RERE: variants seen among roughly 807,000 people sequenced by gnomAD.
RERE encodes the protein arginine-glutamic acid dipeptide repeats protein.
Under a neutral mutation model 146.1 loss-of-function variants are expected in RERE, and 40 were observed. The observed-to-expected ratio is 0.27, with a 90% CI of 0.21 to 0.36. RERE has a LOEUF of 0.36. RERE is among the 10% of genes least tolerant of loss of function. The pLI, the probability that RERE is intolerant of heterozygous loss-of-function variation, is 1.00. For synonymous variants in RERE, 1,003 were observed against 866.0 expected (o/e 1.16, Z -2.78); for missense variants, 1,933 against 2,138.7 (o/e 0.90, Z 1.90).
chr1:8,744,055 TAGAC>T (rs1218651283), intron 1 of RERE, among the ~76,000 whole-genome samples: 5 of 152,120 alleles, frequency 3.3e-5, no homozygotes, highest in Non-Finnish European at 5.9e-5. Context: ...TGAAAGAAAA[TAGAC>T]AGTCCCAGAA....
intron 11 of RERE, among the ~76,000 whole-genome samples, chr1:8,431,488 T>C (rs1360821659): frequency 1.3e-5 from 2 of 152,204 alleles, no homozygotes; most frequent in African/African-American, 4.8e-5. Flanking sequence ...AATTAATTCA[T>C]TACATATTAC....
intron 4 of RERE, among the ~76,000 whole-genome samples, chr1:8,575,418 G>A (rs1254796129): frequency 2.3e-5 from 3 of 129,434 alleles, no homozygotes; most frequent in African/African-American, 2.9e-5. Context: ...CTGTTTTGCT[G>A]TTGTCCAGGC....
At chr1:8,355,779 G>A (rs1296680350) in intron 21 of RERE, among the ~76,000 whole-genome samples, 180 bp from the exon 22 acceptor site, 2 of 152,068 alleles carry the variant, frequency 1.3e-5, no homozygotes, top group Non-Finnish European at 2.9e-5. Context: ...GGCAGGAGGT[G>A]CCCTTGGGTG....
chr1:8,633,478 A>ACACAC (rs1557446646), intron 2 of RERE, among the ~76,000 whole-genome samples: 269 of 149,378 alleles, frequency 1.8e-3, no homozygotes, highest in African/African-American at 5.4e-3. Context: ...CACACACACA[A>ACACAC]AAATGTACTT....
intron 12 of RERE, among the ~76,000 whole-genome samples, chr1:8,366,921 A>C (rs567440856): frequency 1.1e-4 from 16 of 149,694 alleles, no homozygotes; most frequent in South Asian, 2.1e-4. Flanking sequence ...AAAAACAAAA[A>C]AAAAAAACAA....
rs1433563669 is a variant in RERE, at chr1:8,755,168, GCTGA to G, written c.-145+61988_-145+61991del. On this transcript the variant is annotated intron_variant, in intron 1 of 22. Transcript: ENST00000400908. ...GCAGTGGTAACAGACATAAAAGGCG[GCTGA>G]CTGTCTTCAGTGCTACCTTTGGCAG... Among the ~76,000 whole-genome samples, 3 of 152,204 alleles carry G rather than the reference GCTGA, an allele frequency of 2.0e-5. 1 individual carries two copies. Among genetic ancestry groups the G allele is most frequent in the Non-Finnish European group, 4.4e-5 (3 of 68,028 alleles).
chr1:8,745,305 T>C (rs971324389), intron 1 of RERE, among the ~76,000 whole-genome samples: 2 of 152,206 alleles, frequency 1.3e-5, no homozygotes, highest in Non-Finnish European at 2.9e-5. Flanking sequence ...TGATTGTAAG[T>C]TTCCTGAGGC....
chr1:8,697,510 C>T (rs1478243268), intron 1 of RERE, among the ~76,000 whole-genome samples: 5 of 151,764 alleles, frequency 3.3e-5, no homozygotes, highest in South Asian at 2.1e-4. Context: ...CTCCTGCCTC[C>T]GCCTACCGAG....
At chr1:8,547,145 G>A (rs1444383035) in intron 6 of RERE, among the ~76,000 whole-genome samples, 1 of 149,472 alleles carries the variant, frequency 6.7e-6, no homozygotes, top group Admixed American at 6.6e-5. Context: ...CTAAAAAAGA[G>A]GGGAACATAT....
chr1:8,459,644 C>T (rs761932490), intron 11 of RERE, among the ~76,000 whole-genome samples: 5 of 152,142 alleles, frequency 3.3e-5, no homozygotes, highest in Admixed American at 6.5e-5. Flanking sequence ...CATAAAACCA[C>T]GTACGTACAT....
chr1:8,705,351 C>T (rs900611989), intron 1 of RERE, among the ~76,000 whole-genome samples: 1 of 152,134 alleles, frequency 6.6e-6, no homozygotes, highest in African/African-American at 2.4e-5. Flanking sequence ...TCCACTTCCC[C>T]CAGGTATAGG....
intron 6 of RERE, among the ~76,000 whole-genome samples, chr1:8,549,273 T>C (rs1386899801): frequency 6.6e-6 from 1 of 152,154 alleles, no homozygotes; most frequent in Non-Finnish European, 1.5e-5. Context: ...TGAGAACATC[T>C]TGTGGAGCTA....
intron 11 of RERE, among the ~76,000 whole-genome samples, chr1:8,447,223 C>T (rs546286197): frequency 1.3e-5 from 2 of 151,628 alleles, no homozygotes; most frequent in Admixed American, 1.3e-4. Context: ...TTAGCTTCCT[C>T]GCATTGGGTT....
chr1:8,505,920 G>A (rs1251697719), intron 8 of RERE, among the ~76,000 whole-genome samples: 1 of 152,144 alleles, frequency 6.6e-6, no homozygotes, highest in Non-Finnish European at 1.5e-5. Context: ...GAAGCACACA[G>A]AATACATTTA....
In RERE at chr1:8,423,780, GGCAGGAGCGCGGCGC is replaced by G. The variant is rs936850792; in HGVS notation, c.1204-988_1204-974del. On this transcript the variant is annotated intron_variant, in intron 11 of 22. Transcript: ENST00000400908. The surrounding 1 kb of genome is among the most constrained non-coding windows in gnomAD (Gnocchi z 5.4). The stretch of plus-strand genomic sequence containing the variant: ...TGGGGCCGCCGCTGACGGGGGAGGA[GGCAGGAGCGCGGCGC>G]GCAGAGCCCGGCGCGGCCGCGGGCG... The G allele has an allele frequency of 8.4e-5, 66 of 782,148 alleles. No homozygotes were observed. Among genetic ancestry groups the G allele is most frequent in the Non-Finnish European group, 9.6e-5 (62 of 647,790 alleles). 48.5% of individuals were successfully genotyped at this position (782,148 alleles called of 1,614,324 possible).
chr1:8,781,198 A>C (rs551094983), intron 1 of RERE, among the ~76,000 whole-genome samples: 1 of 152,172 alleles, frequency 6.6e-6, no homozygotes, highest in South Asian at 2.1e-4. Context: ...TCTACTAAAA[A>C]TACAAAAATT....
At chr1:8,808,846 A>C (rs1641738035) in intron 1 of RERE, among the ~76,000 whole-genome samples, 1 of 152,162 alleles carries the variant, frequency 6.6e-6, no homozygotes, top group Non-Finnish European at 1.5e-5. Context: ...TAAACAAAGT[A>C]TTGAGGGAGG....
chr1:8,536,030 C>T (rs995378952), intron 7 of RERE, among the ~76,000 whole-genome samples: 4 of 148,344 alleles, frequency 2.7e-5, no homozygotes, highest in East Asian at 2.0e-4. Flanking sequence ...TGCTTGAACC[C>T]GGGAGGTGGA....
At chr1:8,753,677 A>G (rs1336105056) in intron 1 of RERE, 1 of 152,176 alleles carries the variant, frequency 6.6e-6, no homozygotes, top group Non-Finnish European at 1.5e-5. Context: ...CTGGTGTTCA[A>G]TTTCTTTCAG....
Sources: gnomAD v4.1 joint callset for allele counts (sites outside exome capture counted in the v4.1 genomes callset) on GRCh38, gnomAD v4.1.1 for gene constraint, Gnocchi (gnomAD v3.1) non-coding constraint, MANE v1.5 for transcripts, NCBI Gene and HGNC (gene_info 2026-07-23, HGNC 2026-07-21) for gene names.